Variants in YAP1 observed in about 807,000 individuals in gnomAD.
YAP1 encodes the protein transcriptional coactivator YAP1.
A neutral mutation model predicts 56.9 loss-of-function variants in YAP1; 5 were observed. The ratio of observed to expected loss-of-function variants is 0.09; its 90% CI spans 0.05 to 0.18. The LOEUF is 0.18. YAP1 is among the 10% of genes least tolerant of loss of function. The probability of loss-of-function intolerance (pLI) is 1.00; values close to 1 mark genes in which losing one functional copy is unlikely to be tolerated. For synonymous variants in YAP1, 265 were observed against 248.1 expected (o/e 1.07, Z -0.64); for missense variants, 539 against 651.8 (o/e 0.83, Z 1.88).
At chr11:102,182,693 T>C (rs1448656368) in intron 3 of YAP1, among the ~76,000 whole-genome samples, 1 of 152,208 alleles carries the variant, frequency 6.6e-6, no homozygotes, top group Non-Finnish European at 1.5e-5. Context: ...ATGACAAAGA[T>C]AGTGTGGTGA....
intron 6 of YAP1, among the ~76,000 whole-genome samples, chr11:102,209,965 T>C (rs1949314477): frequency 1.3e-5 from 2 of 152,240 alleles, no homozygotes; most frequent in Non-Finnish European, 2.9e-5. Context: ...TAGGCTACTT[T>C]AGGAAATTTT....
rs1266360089 is a variant in YAP1 at position 102,162,566 on chromosome 11, C to T, written c.683C>T (p.Ala228Val). Residue 228 changes from alanine to valine, a missense_variant, in exon 3 of 9, where the codon GCT (alanine) becomes GTT (valine). Ala to Val is a moderately conservative substitution (Grantham distance 64). This residue lies in a region of YAP1 where 414 missense variants were observed against 512.4 expected (regional missense o/e 0.81). Transcript: ENST00000282441. The stretch of plus-strand genomic sequence containing the variant: ...GTGCAGCAGAATATGATGAACTCGG[C>T]TTCAGGTGAGTGAGACACTGTAATT... ...PPVQQNMMNS[A>V]SGPLPDGWEQ... The T allele has an allele frequency of 1.6e-5, 26 of 1,614,050 alleles. No individual in the cohort carries two copies. Among genetic ancestry groups the T allele is most frequent in the Non-Finnish European group, 2.2e-5 (26 of 1,179,924 alleles).
intron 2 of YAP1, among the ~76,000 whole-genome samples, chr11:102,137,522 TG>T (rs1401403356): frequency 6.6e-6 from 1 of 152,192 alleles, no homozygotes; most frequent in African/African-American, 2.4e-5. Flanking sequence ...CTTCCAATTT[TG>T]CTGTATGTGA....
chr11:102,190,827 T>C (rs1948235841), intron 4 of YAP1, among the ~76,000 whole-genome samples: 1 of 151,836 alleles, frequency 6.6e-6, no homozygotes, highest in South Asian at 2.1e-4. Context: ...TCCCAGCTGC[T>C]TGGGAGGCTG....
intron 2 of YAP1, among the ~76,000 whole-genome samples, chr11:102,118,339 A>G: frequency 6.6e-6 from 1 of 152,184 alleles, no homozygotes; most frequent in East Asian, 1.9e-4. Flanking sequence ...TATACAATTT[A>G]AAAAGGATAT....
At chr11:102,187,141 G>A (rs1948011305) in intron 4 of YAP1, among the ~76,000 whole-genome samples, 1 of 152,118 alleles carries the variant, frequency 6.6e-6, no homozygotes, top group Admixed American at 6.5e-5. Flanking sequence ...AGAAAAAACT[G>A]TATCTGGAGC....
intron 6 of YAP1, 129 bp from the exon 7 acceptor site, chr11:102,223,493 G>C: frequency 1.0e-6 from 1 of 967,774 alleles, no homozygotes; most frequent in East Asian, 2.7e-5. Flanking sequence ...ATTGGGAAAT[G>C]TATTAACTTT....
At position 102,180,700 on chromosome 11, in the gene YAP1, A is replaced by AG. The variant is rs1328625848; in HGVS notation, c.689-5318_689-5317insG. ...CCATCTCAAAAAAAAAAAAAAAAAA[A>AG]AAGAAGATCAAAACAAAAATAATAA... On this transcript the variant is annotated intron_variant, in intron 3 of 8. Transcript: ENST00000282441. Among the ~76,000 whole-genome samples, 41 of 151,026 alleles carry AG rather than the reference A, an allele frequency of 2.7e-4. No individual in the cohort carries two copies. In the East Asian group the frequency reaches 4.3e-3, roughly 16 times the overall value.
intron 2 of YAP1, 22 bp from the exon 3 acceptor site, chr11:102,162,434 G>C (rs760514915): frequency 5.6e-6 from 9 of 1,601,508 alleles, no homozygotes; most frequent in Non-Finnish European, 5.1e-6. Context: ...GTTTCCTAAT[G>C]CAGTGGTTTG....
intron 5 of YAP1, 66 bp from the exon 6 acceptor site, chr11:102,209,451 G>GTCAGCCA: frequency 7.1e-7 from 1 of 1,409,466 alleles, no homozygotes; most frequent in South Asian, 1.2e-5. Context: ...CAATTTGTAA[G>GTCAGCCA]TCAGCCTACA....
chr11:102,148,692 CTG>C (rs1565458868), intron 2 of YAP1, among the ~76,000 whole-genome samples: 1 of 152,152 alleles, frequency 6.6e-6, no homozygotes, highest in Non-Finnish European at 1.5e-5. Context: ...ACATCAGTAT[CTG>C]AAATGCCTTT....
chr11:102,200,199 A>T (rs1429824215), intron 4 of YAP1, among the ~76,000 whole-genome samples: 1 of 152,258 alleles, frequency 6.6e-6, no homozygotes, highest in Non-Finnish European at 1.5e-5. Context: ...GGAAATAACA[A>T]AATGTCAGAA....
chr11:102,188,069 G>C (rs1283805127), intron 4 of YAP1, among the ~76,000 whole-genome samples: 1 of 152,226 alleles, frequency 6.6e-6, no homozygotes, highest in Non-Finnish European at 1.5e-5. Context: ...GATCTAGAGT[G>C]ACAGCAAATA....
intron 2 of YAP1, among the ~76,000 whole-genome samples, chr11:102,118,360 G>T (rs1004028536): frequency 6.6e-6 from 1 of 151,884 alleles, no homozygotes; most frequent in Non-Finnish European, 1.5e-5. Flanking sequence ...GTTTTTCAGA[G>T]ATTTTTGACA....
At chr11:102,202,777 G>A (rs1397010439) in intron 4 of YAP1, among the ~76,000 whole-genome samples, 1 of 152,074 alleles carries the variant, frequency 6.6e-6, no homozygotes, top group Non-Finnish European at 1.5e-5. Context: ...AACCTAAAAT[G>A]GATATAATAA....
At chr11:102,167,560 C>A (rs556952428) in intron 3 of YAP1, among the ~76,000 whole-genome samples, 2 of 152,202 alleles carry the variant, frequency 1.3e-5, no homozygotes, top group Admixed American at 6.5e-5. Flanking sequence ...TGGTGAAACC[C>A]CGTCTCCACT....
chr11:102,142,651 A>G (rs907128435), intron 2 of YAP1, among the ~76,000 whole-genome samples: 9 of 152,252 alleles, frequency 5.9e-5, no homozygotes, highest in African/African-American at 2.2e-4. Flanking sequence ...TGTCAAGTAC[A>G]ACTCAGAAGT....
In YAP1 at chr11:102,195,664, T is replaced by G. The variant is rs542121934; in HGVS notation, c.802+9533T>G. Among the ~76,000 whole-genome samples, 7 of 152,184 alleles carry G rather than the reference T, an allele frequency of 4.6e-5. No homozygotes were observed. In the South Asian group the frequency reaches 6.2e-4, roughly 14 times the overall value. The stretch of plus-strand genomic sequence containing the variant: ...CCCCTTCCCTGAGCACTGATTCTTC[T>G]CTCTCCTGCTGCCATGTGAAGGAGT... On this transcript the variant is annotated intron_variant, in intron 4 of 8. Coordinates refer to ENST00000282441, the MANE Select transcript of YAP1 (RefSeq NM_001130145.3).
chr11:102,128,815 C>T (rs963250233), intron 2 of YAP1, among the ~76,000 whole-genome samples: 3 of 152,150 alleles, frequency 2.0e-5, no homozygotes, highest in African/African-American at 7.2e-5. Flanking sequence ...CCTATCTGTT[C>T]GTTTGCCATT....
Sources: allele counts gnomAD v4.1 joint callset (sites outside exome capture counted in the v4.1 genomes callset), GRCh38; gene constraint gnomAD v4.1.1; regional missense constraint gnomAD v4.1.1; transcripts MANE v1.5; gene names NCBI Gene and HGNC (gene_info 2026-07-23, HGNC 2026-07-21).